The following TRAPPC8 variants were observed in gnomAD, a reference collection of about 807,000 sequenced individuals.
The protein encoded by TRAPPC8 is trafficking protein particle complex subunit 8.
A neutral mutation model predicts 174.3 loss-of-function variants in TRAPPC8; 54 were observed. The ratio of observed to expected loss-of-function variants is 0.31; its 90% confidence interval spans 0.25 to 0.39. The LOEUF (loss-of-function observed/expected upper bound fraction) is 0.39. TRAPPC8 is among the 10% of genes least tolerant of loss of function. TRAPPC8 has a pLI of 1.00. For missense variants in TRAPPC8, 1,531 were observed against 1,699.1 expected (o/e 0.90, Z 1.74); for synonymous variants, 630 against 579.9 (o/e 1.09, Z -1.24).
chr18:31,910,560 T>C (rs1323409129), intron 5 of TRAPPC8, among the ~76,000 whole-genome samples: 3 of 152,186 alleles, frequency 2.0e-5, no homozygotes, highest in African/African-American at 7.2e-5. Flanking sequence ...GGATCAAGCG[T>C]ACAAGCAAAG....
intron 2 of TRAPPC8, among the ~76,000 whole-genome samples, chr18:31,919,137 A>G (rs973586904): frequency 6.6e-6 from 1 of 152,186 alleles, no homozygotes; most frequent in Non-Finnish European, 1.5e-5. Context: ...TGACCCATAT[A>G]TTACATATAG....
At chr18:31,901,355 A>G (rs757175908) in intron 9 of TRAPPC8, among the ~76,000 whole-genome samples, 6 of 152,220 alleles carry the variant, frequency 3.9e-5, no homozygotes, top group Admixed American at 1.3e-4. Flanking sequence ...AGTACCTTCA[A>G]TTAAGGCCTT....
At chr18:31,935,910 T>C (rs1310747649) in intron 1 of TRAPPC8, among the ~76,000 whole-genome samples, 1 of 150,086 alleles carries the variant, frequency 6.7e-6, no homozygotes, top group Non-Finnish European at 1.5e-5. Context: ...TAATTTTTTG[T>C]GTTTTTTTAG....
At chr18:31,893,451 T>C (rs2036054274) in intron 11 of TRAPPC8, among the ~76,000 whole-genome samples, 1 of 152,146 alleles carries the variant, frequency 6.6e-6, no homozygotes, top group Admixed American at 6.5e-5. Context: ...TCATTTTTTA[T>C]TATAGCTTAA....
Position 31,837,733 on chromosome 18 carries a change from A to G in TRAPPC8, c.3983+1579T>C, listed in dbSNP as rs115351807. On this transcript the variant is annotated intron_variant, in intron 27 of 28. Transcript: ENST00000283351. ...AAAAAAAGAAAAAGAAGAAGAAGAA[A>G]AAAAAATATTTTAAAAGTCCATTAA... is the stretch of plus-strand genomic sequence containing the variant. Among the ~76,000 whole-genome samples the G allele has an allele frequency of 8.9e-3, 1,355 of 152,070 alleles. 20 individuals carry two copies. Among genetic ancestry groups the G allele is most frequent in the African/African-American group, 0.03 (1,248 of 41,456 alleles).
chr18:31,908,590 T>C (rs2036765918), intron 7 of TRAPPC8, among the ~76,000 whole-genome samples, 164 bp downstream of exon 7: 1 of 152,100 alleles, frequency 6.6e-6, no homozygotes, highest in Non-Finnish European at 1.5e-5. Flanking sequence ...ATAAGCCTCT[T>C]CTAGAGTTGA....
At chr18:31,866,566 A>G (rs1368761297) in intron 18 of TRAPPC8, among the ~76,000 whole-genome samples, 4 of 152,120 alleles carry the variant, frequency 2.6e-5, no homozygotes, top group Non-Finnish European at 4.4e-5. Flanking sequence ...GTTAGAATTT[A>G]TTTGGTTAGA....
chr18:31,935,273 G>A (rs7239951), intron 1 of TRAPPC8, among the ~76,000 whole-genome samples: 48,685 of 149,584 alleles, frequency 0.33, 8,941 homozygotes, highest in Admixed American at 0.49. Flanking sequence ...CCTTGGAAGT[G>A]GAGGTTGCAG....
chr18:31,932,413 T>A (rs532739936), intron 1 of TRAPPC8, among the ~76,000 whole-genome samples: 2 of 149,382 alleles, frequency 1.3e-5, no homozygotes, highest in South Asian at 2.1e-4. Context: ...GGTGACAGAG[T>A]GAGACTTGGT....
chr18:31,934,824 A>ACC (rs2038010683), intron 1 of TRAPPC8, among the ~76,000 whole-genome samples: 1 of 151,454 alleles, frequency 6.6e-6, no homozygotes, highest in Admixed American at 6.6e-5. Context: ...CCGAGACCAC[A>ACC]CCATTGTACT....
chr18:31,881,282 C>CA (rs2035439756), intron 12 of TRAPPC8, among the ~76,000 whole-genome samples: 1 of 151,874 alleles, frequency 6.6e-6, no homozygotes, highest in Non-Finnish European at 1.5e-5. Flanking sequence ...GGTACTGGTA[C>CA]AAAAAATAGA....
chr18:31,882,298 T>C (rs1421742799), intron 12 of TRAPPC8, among the ~76,000 whole-genome samples: 2 of 152,162 alleles, frequency 1.3e-5, no homozygotes, highest in Non-Finnish European at 2.9e-5. Flanking sequence ...ATCATATCCT[T>C]TGCAGCAACA....
At chr18:31,942,095 T>C (rs1471691949) in intron 1 of TRAPPC8, among the ~76,000 whole-genome samples, 1 of 152,214 alleles carries the variant, frequency 6.6e-6, no homozygotes, top group African/African-American at 2.4e-5. Context: ...GCTAAGAATA[T>C]ATTAGTAAAA....
At chr18:31,849,839 T>A in intron 24 of TRAPPC8, 100 bp from the exon 25 acceptor site, 1 of 1,219,510 alleles carries the variant, frequency 8.2e-7, no homozygotes, top group Admixed American at 3.2e-5. Flanking sequence ...CCTGCCAAAA[T>A]TTTTATTTCT....
In TRAPPC8 at chr18:31,890,979, TAA is replaced by T. The variant is rs1362214404; in HGVS notation, c.1597-115_1597-114del. 2.7e-5 allele frequency: 26 copies of T among 978,114 alleles called. No homozygotes were observed. The Middle Eastern group carries it at 9.3e-4, about 35-fold the overall frequency. 60.6% of individuals were successfully genotyped at this position (978,114 alleles called of 1,614,324 possible). A position where few individuals can be genotyped will look rare whatever the true frequency, so the allele number is the denominator to read the frequency against. On this transcript the variant is annotated intron_variant, in intron 11 of 28. Transcript: ENST00000283351. ...TATATAGCATATCCAATGTTTAACT[TAA>T]GAGTATATGAGGGCAAAGATCAAGG...
In TRAPPC8 at chr18:31,872,594, TATTTTTAGTAGAGAC is replaced by T. The variant is rs2034925096; in HGVS notation, c.2062+821_2062+835del. ...GCCACCACGCCCAGCTAGTTTTTTGTATTTTTAGTAGAGACAGGGTTTCACCATGTTGGCCAGGAT... is the reference window on the plus strand; with the variant it reads ...GCCACCACGCCCAGCTAGTTTTTTGTAGGGTTTCACCATGTTGGCCAGGAT... On this transcript the variant is annotated intron_variant, in intron 14 of 28. Coordinates refer to ENST00000283351, the MANE Select transcript of TRAPPC8 (RefSeq NM_014939.5). Among the ~76,000 whole-genome samples the T allele has an allele frequency of 9.9e-5, 15 of 152,232 alleles. 1 individual carries two copies. In the South Asian group the frequency reaches 3.1e-3, roughly 32 times the overall value.
chr18:31,853,282 T>C (rs1185680989), intron 22 of TRAPPC8, among the ~76,000 whole-genome samples: 1 of 152,176 alleles, frequency 6.6e-6, no homozygotes, highest in East Asian at 1.9e-4. Context: ...TTGTTTTGTT[T>C]TTTGTGACAG....
chr18:31,900,836 A>T, intron 10 of TRAPPC8, 89 bp downstream of exon 10: 1 of 990,144 alleles, frequency 1.0e-6, no homozygotes, highest in Non-Finnish European at 1.5e-6. Flanking sequence ...TATTAACTTG[A>T]TTTGGGAGTT....
chr18:31,908,000 G>A (rs1219713322), intron 8 of TRAPPC8, among the ~76,000 whole-genome samples: 3 of 152,066 alleles, frequency 2.0e-5, no homozygotes, highest in Non-Finnish European at 2.9e-5. Context: ...CCTTGTCTTA[G>A]AATCATCAGG....
Sources: allele counts gnomAD v4.1 joint callset (sites outside exome capture counted in the v4.1 genomes callset), GRCh38; gene constraint gnomAD v4.1.1; transcripts MANE v1.5; gene names NCBI Gene and HGNC (gene_info 2026-07-23, HGNC 2026-07-21).